RCAN1: variants seen among roughly 807,000 people sequenced by gnomAD.
RCAN1 encodes the protein regulator of calcineurin 1, also known as calcipressin-1.
In RCAN1, 11 loss-of-function variants were observed where a neutral mutation model predicts 22.9. The ratio of observed to expected loss-of-function variants is 0.48; its 90% confidence interval spans 0.30 to 0.79. The LOEUF is 0.79. RCAN1 is among the 30% of genes least tolerant of loss of function. The probability of loss-of-function intolerance (pLI) is 0.06; values close to 1 mark genes in which losing one functional copy is unlikely to be tolerated. For synonymous variants in RCAN1, 136 were observed against 142.3 expected, an observed-to-expected ratio of 0.96 and a Z score of 0.32; for missense variants, 291 against 337.8, an observed-to-expected ratio of 0.86 and a Z score of 1.09.
At chr21:34,585,989 T>C (rs1306796813) in intron 1 of RCAN1, among the ~76,000 whole-genome samples, 2 of 152,148 alleles carry the variant, frequency 1.3e-5, no homozygotes, top group Admixed American at 1.3e-4. Flanking sequence ...GCCAGGCTGA[T>C]ACAACAATCC....
At chr21:34,538,414 G>A (rs1985772790) in intron 1 of RCAN1, among the ~76,000 whole-genome samples, 1 of 152,144 alleles carries the variant, frequency 6.6e-6, no homozygotes, top group African/African-American at 2.4e-5. Context: ...AGGACACAGT[G>A]GCTCTACTGT....
intron 1 of RCAN1, among the ~76,000 whole-genome samples, chr21:34,568,088 G>A (rs1442063305): frequency 6.6e-6 from 1 of 152,116 alleles, no homozygotes; most frequent in Non-Finnish European, 1.5e-5. Flanking sequence ...TCCTGCTTGG[G>A]ACCTCTGCCC....
chr21:34,525,398 C>G, intron 1 of RCAN1: 1 of 1,438,694 alleles, frequency 7.0e-7, no homozygotes, highest in Non-Finnish European at 9.2e-7. Flanking sequence ...GCGGAGCTGG[C>G]GGACGGTAGA....
At position 34,523,612 on chromosome 21, in the gene RCAN1, G is replaced by A; in HGVS notation, c.351C>T (p.Phe117=). 1 of 1,614,160 alleles carries A rather than the reference G, an allele frequency of 6.2e-7. No homozygotes were observed. The highest frequency in any genetic ancestry group is 8.5e-7 in the Non-Finnish European group (1 of 1,180,032). ...KRVRINFSNP[F]SAADARLQLH... Reference sequence around the variant, plus strand: ...GCTGGAGCCTGGCATCTGCTGCGGAGAAGGGGTTGCTGAAGTTTATTCTGA... The same window carrying A: ...GCTGGAGCCTGGCATCTGCTGCGGAAAAGGGGTTGCTGAAGTTTATTCTGA... The change falls in exon 2 of 4, where the codon TTC becomes TTT. Residue 117 remains phenylalanine (F), a synonymous_variant. Transcript: ENST00000313806.
At chr21:34,555,726 G>A (rs914915576) in intron 1 of RCAN1, among the ~76,000 whole-genome samples, 3 of 151,834 alleles carry the variant, frequency 2.0e-5, no homozygotes, top group Non-Finnish European at 4.4e-5. Context: ...CCATGCTTTT[G>A]TATACACTTG....
Position 34,615,082 on chromosome 21 carries a change from C to G in RCAN1, c.-71G>C. 2 of 1,005,458 alleles carry G rather than the reference C, an allele frequency of 2.0e-6. No individual in the cohort carries two copies. The highest frequency in any genetic ancestry group is 2.4e-6 in the Non-Finnish European group (2 of 843,586). The allele number at this position is 1,005,458 out of a possible 1,614,324, so 62.3% of individuals were successfully genotyped here. Reference sequence around the variant, plus strand: ...CTTGCGCGCCGGAGCCTCACGCGCTCCGGTCCGCGCCCGGCCGGCGGCTCC... The same window carrying G: ...CTTGCGCGCCGGAGCCTCACGCGCTGCGGTCCGCGCCCGGCCGGCGGCTCC... On this transcript the variant is annotated 5_prime_UTR_variant, in exon 1 of 4. Coordinates refer to ENST00000313806, the MANE Select transcript of RCAN1 (RefSeq NM_004414.7).
At chr21:34,563,770 A>AAAT (rs1555863394) in intron 1 of RCAN1, among the ~76,000 whole-genome samples, 5 of 65,444 alleles carry the variant, frequency 7.6e-5, no homozygotes, top group South Asian at 6.7e-4. Context: ...AAAAAAAAAA[A>AAAT]ATATATATAT....
At position 34,557,876 on chromosome 21, in the gene RCAN1, C is replaced by T. The variant is rs986845905; in HGVS notation, c.253-34166G>A. On this transcript the variant is annotated intron_variant, in intron 1 of 3. Transcript: ENST00000313806. ...AACACTCACTCTCTCATGTAACCCT[C>T]AAGCCACTCTAGGAGACAGGTACTA... Among the ~76,000 whole-genome samples, 5 of 152,182 alleles carry T rather than the reference C, an allele frequency of 3.3e-5. No individual in the cohort carries two copies. The East Asian group carries it at 9.7e-4, about 29-fold the overall frequency.
At chr21:34,604,115 G>A (rs1988448065) in intron 1 of RCAN1, among the ~76,000 whole-genome samples, 1 of 152,100 alleles carries the variant, frequency 6.6e-6, no homozygotes, top group Admixed American at 6.6e-5. Context: ...AGCAGTAACT[G>A]GACAGAATCC....
intron 1 of RCAN1, among the ~76,000 whole-genome samples, chr21:34,590,846 A>G (rs944350601): frequency 6.6e-6 from 1 of 152,214 alleles, no homozygotes; most frequent in African/African-American, 2.4e-5. Context: ...TTGAAATATT[A>G]AGTTTATCTA....
chr21:34,554,781 C>T (rs549746819), intron 1 of RCAN1, among the ~76,000 whole-genome samples: 4 of 152,308 alleles, frequency 2.6e-5, no homozygotes, highest in Admixed American at 2.6e-4. Flanking sequence ...CTCACAGTTC[C>T]ATGTAACTGG....
intron 1 of RCAN1, among the ~76,000 whole-genome samples, chr21:34,529,104 A>G (rs994932365): frequency 8.5e-5 from 13 of 152,220 alleles, no homozygotes; most frequent in African/African-American, 2.9e-4. Flanking sequence ...AATTGAATTT[A>G]GTAAACTTGA....
chr21:34,557,621 TG>T (rs1986629941), intron 1 of RCAN1, among the ~76,000 whole-genome samples: 1 of 152,242 alleles, frequency 6.6e-6, no homozygotes, highest in Admixed American at 6.5e-5. Flanking sequence ...TAACACGTGG[TG>T]GCTTTTTAAA....
intron 1 of RCAN1, among the ~76,000 whole-genome samples, chr21:34,605,512 A>G (rs1157987425): frequency 1.3e-5 from 2 of 152,226 alleles, no homozygotes; most frequent in Non-Finnish European, 2.9e-5. Context: ...GTCGTAACTC[A>G]TGTGAATCTC....
chr21:34,572,079 G>T (rs1987253576), intron 1 of RCAN1, among the ~76,000 whole-genome samples: 1 of 152,148 alleles, frequency 6.6e-6, no homozygotes, highest in African/African-American at 2.4e-5. Context: ...TGGAAAATCT[G>T]CAGAATTCAC....
At chr21:34,598,235 A>G (rs1283737897) in intron 1 of RCAN1, among the ~76,000 whole-genome samples, 1 of 152,234 alleles carries the variant, frequency 6.6e-6, no homozygotes, top group Non-Finnish European at 1.5e-5. Flanking sequence ...CCAAAGAAGA[A>G]GCAGCAAATG....
At chr21:34,573,437 C>T (rs74767250) in intron 1 of RCAN1, among the ~76,000 whole-genome samples, 2,031 of 152,296 alleles carry the variant, frequency 0.013, 47 homozygotes, top group East Asian at 0.093. Context: ...AATTTCAACC[C>T]TGCTCCTGCT....
At chr21:34,571,841 C>T (rs1423682700) in intron 1 of RCAN1, among the ~76,000 whole-genome samples, 3 of 152,178 alleles carry the variant, frequency 2.0e-5, no homozygotes, top group Non-Finnish European at 4.4e-5. Flanking sequence ...AGCCACTGTG[C>T]CTGCCAGATA....
At chr21:34,593,303 ACCC>A (rs1988032158) in intron 1 of RCAN1, among the ~76,000 whole-genome samples, 1 of 152,228 alleles carries the variant, frequency 6.6e-6, no homozygotes, top group Non-Finnish European at 1.5e-5. Flanking sequence ...ACTAGCCCTC[ACCC>A]AACCACAGGT....
Sources: gnomAD v4.1 joint callset for allele counts (sites outside exome capture counted in the v4.1 genomes callset) on GRCh38, gnomAD v4.1.1 for gene constraint, MANE v1.5 for transcripts, NCBI Gene and HGNC (gene_info 2026-07-23, HGNC 2026-07-21) for gene names.